GPC6: variants seen among roughly 807,000 people sequenced by gnomAD.
GPC6 encodes glypican-6.
Under a neutral mutation model 55.2 loss-of-function variants are expected in GPC6, and 14 were observed. That is an observed-to-expected ratio of 0.25 (90% CI 0.17 to 0.40). GPC6 has a LOEUF of 0.40. Ranked by LOEUF, GPC6 falls within the 10% of genes least tolerant of loss-of-function variation. The probability of loss-of-function intolerance (pLI) is 1.00; values close to 1 mark genes in which losing one functional copy is unlikely to be tolerated. For synonymous variants in GPC6, 278 were observed against 259.6 expected (o/e 1.07, Z -0.68); for missense variants, 641 against 708.5 (o/e 0.90, Z 1.08).
chr13:93,368,378 T>A (rs138493939), intron 1 of GPC6, among the ~76,000 whole-genome samples: 9 of 110,384 alleles, frequency 8.2e-5, no homozygotes, highest in African/African-American at 2.2e-4. Flanking sequence ...CCTTCCTTCC[T>A]TCCTTCCTTC....
intron 3 of GPC6, among the ~76,000 whole-genome samples, chr13:93,937,644 T>C (rs1380613348): frequency 3.3e-5 from 5 of 152,154 alleles, no homozygotes; most frequent in Admixed American, 3.3e-4. Context: ...AGTGACTTCA[T>C]CTCGGCTCAC....
chr13:93,956,902 G>A (rs995172953), intron 3 of GPC6, among the ~76,000 whole-genome samples: 10 of 152,092 alleles, frequency 6.6e-5, no homozygotes, highest in Non-Finnish European at 8.8e-5. Flanking sequence ...AGAATGACTC[G>A]TCTAGAATCT....
At chr13:94,029,342 A>T (rs1883025412) in intron 4 of GPC6, among the ~76,000 whole-genome samples, 1 of 152,240 alleles carries the variant, frequency 6.6e-6, no homozygotes, top group Non-Finnish European at 1.5e-5. Context: ...AAATGAAGGA[A>T]TTTTTAAAAG....
chr13:93,613,534 C>T (rs1295996242), intron 2 of GPC6, among the ~76,000 whole-genome samples: 1 of 127,914 alleles, frequency 7.8e-6, no homozygotes, highest in Non-Finnish European at 1.7e-5. Context: ...ACACAAAACA[C>T]ACACACACAC....
chr13:93,859,258 C>T (rs554763879), intron 3 of GPC6, among the ~76,000 whole-genome samples: 4 of 151,640 alleles, frequency 2.6e-5, no homozygotes, highest in East Asian at 3.9e-4. Flanking sequence ...AATGTATCCA[C>T]GTACCATTTT....
intron 3 of GPC6, among the ~76,000 whole-genome samples, chr13:93,841,150 C>T (rs907592189): frequency 6.6e-6 from 1 of 152,126 alleles, no homozygotes; most frequent in Admixed American, 6.5e-5. Flanking sequence ...TTCAATGTTA[C>T]AAGGACATTC....
At chr13:93,561,015 T>C (rs1019814308) in intron 2 of GPC6, among the ~76,000 whole-genome samples, 5 of 152,162 alleles carry the variant, frequency 3.3e-5, no homozygotes, top group Non-Finnish European at 2.9e-5. Context: ...TAACCTCACA[T>C]GTGACGTCTC....
At chr13:94,336,032 T>G (rs1364122567) in intron 6 of GPC6, among the ~76,000 whole-genome samples, 1 of 152,080 alleles carries the variant, frequency 6.6e-6, no homozygotes, top group Non-Finnish European at 1.5e-5. Flanking sequence ...CATTTTCTTA[T>G]GTAGATTGGA....
At chr13:93,702,398 A>C (rs1192155274) in intron 2 of GPC6, among the ~76,000 whole-genome samples, 2 of 151,966 alleles carry the variant, frequency 1.3e-5, no homozygotes, top group Non-Finnish European at 2.9e-5. Context: ...TGTTTCTAGA[A>C]CACAGACAGT....
chr13:93,859,008 G>A (rs779507732), intron 3 of GPC6, among the ~76,000 whole-genome samples: 8 of 151,424 alleles, frequency 5.3e-5, no homozygotes, highest in Non-Finnish European at 1.2e-4. Flanking sequence ...GGGAGTCAAC[G>A]CAGAGAAAAA....
intron 7 of GPC6, among the ~76,000 whole-genome samples, chr13:94,387,865 C>T (rs900297019): frequency 1.2e-4 from 18 of 151,996 alleles, no homozygotes; most frequent in African/African-American, 3.9e-4. Context: ...CACCATGGTC[C>T]CAAGAATTGT....
chr13:94,165,019 C>G (rs1185775613), intron 4 of GPC6, among the ~76,000 whole-genome samples: 1 of 151,716 alleles, frequency 6.6e-6, no homozygotes, highest in African/African-American at 2.4e-5. Flanking sequence ...GTAGAACTAC[C>G]ATTCAATCCA....
At chr13:94,288,582 GTC>G (rs58683439) in intron 5 of GPC6, among the ~76,000 whole-genome samples, 94,095 of 148,668 alleles carry the variant, frequency 0.63, 31,033 homozygotes, top group African/African-American at 0.83. Context: ...CAGCAACATG[GTC>G]TCTCTCTCTC....
chr13:94,389,630 A>G (rs956981027), intron 7 of GPC6, among the ~76,000 whole-genome samples: 4 of 152,164 alleles, frequency 2.6e-5, no homozygotes, highest in African/African-American at 9.7e-5. Context: ...TTCCAAACTC[A>G]GAGGGATTAA....
chr13:93,982,096 G>A (rs184825301), intron 3 of GPC6, among the ~76,000 whole-genome samples: 14 of 152,218 alleles, frequency 9.2e-5, no homozygotes, highest in East Asian at 1.9e-4. Context: ...TTTCTATGGC[G>A]TTGAACAAGA....
chr13:93,289,339 GGGC>G (rs1878241987), intron 1 of GPC6, among the ~76,000 whole-genome samples: 1 of 151,982 alleles, frequency 6.6e-6, no homozygotes, highest in Non-Finnish European at 1.5e-5. Context: ...ATGTGCCCTA[GGGC>G]TCAAAAGACT....
At chr13:94,192,616 G>A (rs910162441) in intron 4 of GPC6, among the ~76,000 whole-genome samples, 5 of 152,196 alleles carry the variant, frequency 3.3e-5, no homozygotes, top group African/African-American at 9.7e-5. Context: ...TTGTGATGTT[G>A]ACATATGTTG....
In GPC6 at chr13:94,317,252, G is replaced by A. The variant is rs146015370; in HGVS notation, c.1152+11129G>A. On this transcript the variant is annotated intron_variant, in intron 6 of 8. Coordinates refer to ENST00000377047, the MANE Select transcript of GPC6 (RefSeq NM_005708.5). ...ATGCATGATGAGGCAGGAAACCAAT[G>A]ACTTTGTAAATTTTATTCTAAGGGA... Among the ~76,000 whole-genome samples, 535 of 152,304 alleles carry A rather than the reference G, an allele frequency of 3.5e-3. 4 individuals are homozygous for A. Among genetic ancestry groups the A allele is most frequent in the African/African-American group, 0.012 (503 of 41,570 alleles).
chr13:93,277,314 C>A (rs929513832), intron 1 of GPC6, among the ~76,000 whole-genome samples: 2 of 152,164 alleles, frequency 1.3e-5, no homozygotes, highest in Non-Finnish European at 2.9e-5. Flanking sequence ...CTCAGCATCA[C>A]ATCTATAAAA....
Sources: gnomAD v4.1 joint callset for allele counts (sites outside exome capture counted in the v4.1 genomes callset) on GRCh38, gnomAD v4.1.1 for gene constraint, MANE v1.5 for transcripts, NCBI Gene and HGNC (gene_info 2026-07-23, HGNC 2026-07-21) for gene names.